KCNQ4: variants seen among roughly 807,000 people sequenced by gnomAD.
The protein encoded by KCNQ4 is potassium voltage-gated channel subfamily KQT member 4.
KCNQ4 carries 31 observed loss-of-function variants against 72.6 expected under a neutral mutation model. The ratio of observed to expected loss-of-function variants is 0.43; its 90% CI spans 0.32 to 0.58. The LOEUF is 0.58. Among genes scored for constraint, KCNQ4 ranks in the 20% least tolerant of loss-of-function variants. The pLI is 0.08. For synonymous variants in KCNQ4, 405 were observed against 403.7 expected (o/e 1.00, Z -0.04); for missense variants, 869 against 962.6 (o/e 0.90, Z 1.29).
chr1:40,796,945 A>C (rs879334364), intron 1 of KCNQ4, among the ~76,000 whole-genome samples: 9 of 148,782 alleles, frequency 6.0e-5, no homozygotes, highest in African/African-American at 1.5e-4. Context: ...TAAATAAATA[A>C]ATAAATACAG....
Position 40,826,038 on chromosome 1 carries a change from G to A in KCNQ4, c.1292+1780G>A, listed in dbSNP as rs34452825. On this transcript the variant is annotated intron_variant, in intron 9 of 13. Coordinates refer to ENST00000347132, the MANE Select transcript of KCNQ4 (RefSeq NM_004700.4). ...CCCTTTCTCCCAGGGACCCCAGGGG[G>A]CTGAGCCATGGTTTGTAGATCAGTC... 1.7e-3 allele frequency among the ~76,000 whole-genome samples: 266 copies of A among 152,162 alleles called. 2 individuals are homozygous for A. In the East Asian group the frequency reaches 0.033, roughly 19 times the overall value.
In KCNQ4 at chr1:40,784,130, C is replaced by T; in HGVS notation, c.37C>T (p.Pro13Ser). The T allele has an allele frequency of 1.1e-6, 1 of 930,174 alleles. No homozygotes were observed. The highest frequency in any genetic ancestry group is 3.8e-5 in the South Asian group (1 of 26,462). The allele number at this position is 930,174 out of a possible 1,614,324, so 57.6% of individuals were successfully genotyped here. The change falls in exon 1 of 14, where the codon CCC becomes TCC. Residue 13 changes from proline (P) to serine (S), a missense_variant. By Grantham distance (74) the Pro-to-Ser change is moderately conservative. Transcript: ENST00000347132. This position sits in a 1 kb window ranked among gnomAD's most constrained non-coding sequence, Gnocchi z 4.1. ...CCCCCCGCGCCGCCTCGGCCTGGGT[C>T]CCCCGCCCGGGGACGCCCCCCGCGC... ...EAPPRRLGLG[P>S]PPGDAPRAEL...
chr1:40,813,872 C>T (rs141287267), intron 1 of KCNQ4, among the ~76,000 whole-genome samples: 2 of 151,672 alleles, frequency 1.3e-5, no homozygotes, highest in East Asian at 1.9e-4. Context: ...CTCAGCCTCC[C>T]GAGTAGCTGG....
intron 4 of KCNQ4, 142 bp from the exon 5 acceptor site, chr1:40,819,205 C>G: frequency 5.1e-6 from 5 of 990,024 alleles, no homozygotes; most frequent in South Asian, 1.4e-5. Flanking sequence ...GCAGGGTCGC[C>G]GTGATGGGAG....
chr1:40,805,509 T>A (rs1647730492), intron 1 of KCNQ4, among the ~76,000 whole-genome samples: 1 of 152,162 alleles, frequency 6.6e-6, no homozygotes, highest in Non-Finnish European at 1.5e-5. Context: ...CCCTTCTGGC[T>A]CAGATGTGTT....
chr1:40,816,640 G>A (rs567649036), intron 1 of KCNQ4, among the ~76,000 whole-genome samples: 2 of 152,226 alleles, frequency 1.3e-5, no homozygotes, highest in East Asian at 1.9e-4. Flanking sequence ...TCCTGGCCTC[G>A]ATGGCCCAGC....
At chr1:40,813,006 C>T (rs566965769) in intron 1 of KCNQ4, among the ~76,000 whole-genome samples, 1 of 152,104 alleles carries the variant, frequency 6.6e-6, no homozygotes, top group South Asian at 2.1e-4. Context: ...TTGGAACAGA[C>T]CTGGGTGAGG....
intron 1 of KCNQ4, among the ~76,000 whole-genome samples, chr1:40,796,447 T>C (rs1219510804): frequency 6.6e-6 from 1 of 152,138 alleles, no homozygotes; most frequent in African/African-American, 2.4e-5. Context: ...ACTTTTCAGA[T>C]GAGGAAGTTG....
At chr1:40,791,823 G>A (rs1001014184) in intron 1 of KCNQ4, among the ~76,000 whole-genome samples, 9 of 152,194 alleles carry the variant, frequency 5.9e-5, no homozygotes, top group Non-Finnish European at 8.8e-5. Context: ...CAGAGGAGAT[G>A]GAGGTCAGAC....
chr1:40,828,709 C>A (rs145953457), intron 9 of KCNQ4, among the ~76,000 whole-genome samples: 1 of 152,204 alleles, frequency 6.6e-6, no homozygotes, highest in African/African-American at 2.4e-5. Flanking sequence ...GGACCCTGCA[C>A]GTTCTGGGAG....
intron 1 of KCNQ4, among the ~76,000 whole-genome samples, chr1:40,801,790 A>T (rs970602369): frequency 1.3e-5 from 2 of 152,192 alleles, no homozygotes; most frequent in Admixed American, 1.3e-4. Context: ...AGCCCCAGGG[A>T]GCACCTGTCT....
At chr1:40,827,771 AC>A (rs1648527251) in intron 9 of KCNQ4, among the ~76,000 whole-genome samples, 1 of 152,128 alleles carries the variant, frequency 6.6e-6, no homozygotes, top group African/African-American at 2.4e-5. Context: ...AAATCACCTG[AC>A]CCCTTTGCAC....
Position 40,818,610 on chromosome 1 carries a change from G to T in KCNQ4, c.638G>T (p.Arg213Leu). ...LRSMRFLQIL[R>L]MVRMDRRGGT... ...AGCATGCGCTTCCTGCAGATCCTGC[G>T]CATGGTGCGCATGGACCGCCGCGGC... The change falls in exon 4 of 14, where the codon CGC becomes CTC. Residue 213 changes from arginine to leucine, a missense_variant. This residue lies in a region of KCNQ4 where 179 missense variants were observed against 243.0 expected (regional missense o/e 0.74). Transcript: ENST00000347132. The T allele has an allele frequency of 1.2e-6, 2 of 1,606,714 alleles. No individual in the cohort carries two copies. Among genetic ancestry groups the T allele is most frequent in the Non-Finnish European group, 1.7e-6 (2 of 1,179,656 alleles).
At chr1:40,833,703 A>G (rs1648725078) in intron 11 of KCNQ4, among the ~76,000 whole-genome samples, 1 of 151,728 alleles carries the variant, frequency 6.6e-6, no homozygotes, top group African/African-American at 2.4e-5. Flanking sequence ...ATTCCTTTTA[A>G]AATTAGAGTC....
rs773829351 is a variant in KCNQ4, at chr1:40,837,803, A to G, written c.1875+9A>G. ...TCAAGGTGGAGAAGCAGGTGAGTGT[A>G]GGATGGGGTGGCGGAGCTGGCCATA... On this transcript the variant is annotated intron_variant, in intron 13 of 13. Transcript: ENST00000347132. 1 of 1,604,708 alleles carries G rather than the reference A, an allele frequency of 6.2e-7. No homozygotes were observed. The highest frequency in any genetic ancestry group is 8.5e-7 in the Non-Finnish European group (1 of 1,176,286).
intron 1 of KCNQ4, among the ~76,000 whole-genome samples, chr1:40,802,879 A>T (rs534113185): frequency 6.6e-6 from 1 of 152,228 alleles, no homozygotes; most frequent in African/African-American, 2.4e-5. Context: ...TGAGAGGGAC[A>T]GTTAACTTGC....
Position 40,831,082 on chromosome 1 carries a change from A to T in KCNQ4, c.1293-2A>T. On this transcript the variant is annotated splice_acceptor_variant, in intron 9 of 13. Transcript: ENST00000347132. LOFTEE classifies it high-confidence loss of function. The stretch of plus-strand genomic sequence containing the variant: ...TCTCTCCCAACCTGCCTGCCCTGCC[A>T]GCAGCCGGATGGGCATCAAAGACCG... The T allele has an allele frequency of 6.3e-7, 1 of 1,578,740 alleles. No individual in the cohort carries two copies. The highest frequency in any genetic ancestry group is 1.7e-4 in the Middle Eastern group (1 of 5,994).
intron 10 of KCNQ4, among the ~76,000 whole-genome samples, chr1:40,832,753 G>A (rs1042701159): frequency 5.3e-5 from 8 of 152,220 alleles, no homozygotes; most frequent in Non-Finnish European, 1.2e-4. Context: ...TAGGCCAGCT[G>A]TGCCCTAAAG....
At chr1:40,796,879 C>T (rs185671718) in intron 1 of KCNQ4, among the ~76,000 whole-genome samples, 1 of 151,940 alleles carries the variant, frequency 6.6e-6, no homozygotes, top group Non-Finnish European at 1.5e-5. Context: ...GATCGTGCCA[C>T]TGCACTCCAG....
Sources: allele counts gnomAD v4.1 joint callset (sites outside exome capture counted in the v4.1 genomes callset), GRCh38; gene constraint gnomAD v4.1.1; regional missense constraint gnomAD v4.1.1; non-coding constraint Gnocchi (gnomAD v3.1); transcripts MANE v1.5; gene names NCBI Gene and HGNC (gene_info 2026-07-23, HGNC 2026-07-21).